Variants in NECTIN3 observed in about 807,000 individuals in gnomAD.
The protein encoded by NECTIN3 is nectin cell adhesion molecule 3.
In NECTIN3, 8 loss-of-function variants were observed where a neutral mutation model predicts 49.4. The observed-to-expected ratio is 0.16, with a 90% confidence interval of 0.10 to 0.29. The LOEUF (loss-of-function observed/expected upper bound fraction) is 0.29, where lower values mean the gene tolerates loss of function less well. Among genes scored for constraint, NECTIN3 ranks in the 10% least tolerant of loss-of-function variants. The pLI is 1.00. For missense variants in NECTIN3, 581 were observed against 654.6 expected (o/e 0.89, Z 1.23); for synonymous variants, 277 against 241.1 (o/e 1.15, Z -1.38).
At chr3:111,084,619 G>A (rs1363228320) in intron 1 of NECTIN3, among the ~76,000 whole-genome samples, 1 of 152,140 alleles carries the variant, frequency 6.6e-6, no homozygotes, top group Admixed American at 6.5e-5. Flanking sequence ...TGTAAGGAAG[G>A]TAGGATTTAA....
chr3:111,105,900 G>C (rs1044212188), intron 1 of NECTIN3, among the ~76,000 whole-genome samples: 1 of 151,108 alleles, frequency 6.6e-6, no homozygotes, highest in Admixed American at 6.6e-5. Flanking sequence ...GTAAGGTGTC[G>C]TCTCTATTCT....
chr3:111,106,000 T>A (rs865903137), intron 1 of NECTIN3, among the ~76,000 whole-genome samples: 1 of 148,602 alleles, frequency 6.7e-6, no homozygotes, highest in Admixed American at 6.7e-5. Flanking sequence ...TTTTTTTTTT[T>A]CCCACTTCTT....
intron 1 of NECTIN3, chr3:111,072,621 C>T (rs1043868185): frequency 8.0e-6 from 12 of 1,507,014 alleles, no homozygotes; most frequent in African/African-American, 4.2e-5. Flanking sequence ...GCCTCCGGGT[C>T]CACTTCTCAT....
chr3:111,182,161 A>G (rs1369841270), intron 7 of NECTIN3, among the ~76,000 whole-genome samples: 3 of 151,982 alleles, frequency 2.0e-5, no homozygotes, highest in Middle Eastern at 3.2e-3. Context: ...TTAATTATTT[A>G]TTTTTCGTTA....
intron 2 of NECTIN3, among the ~76,000 whole-genome samples, chr3:111,118,303 T>G (rs1183567634): frequency 9.2e-6 from 1 of 108,304 alleles, no homozygotes; most frequent in African/African-American, 3.1e-5. Flanking sequence ...ATAAAACTTA[T>G]CTTCCAGAGA....
intron 1 of NECTIN3, among the ~76,000 whole-genome samples, chr3:111,086,762 G>T (rs1432691675): frequency 2.0e-5 from 3 of 151,970 alleles, no homozygotes; most frequent in Non-Finnish European, 2.9e-5. Context: ...TTCATAAAAA[G>T]CCTGCAGGAT....
intron 1 of NECTIN3, among the ~76,000 whole-genome samples, chr3:111,083,858 A>T (rs993488896): frequency 1.5e-4 from 23 of 152,220 alleles, no homozygotes; most frequent in African/African-American, 5.3e-4. Flanking sequence ...GCTGGATGAT[A>T]TAGCCTTGTC....
chr3:111,177,671 T>TA (rs1317244351), intron 7 of NECTIN3, among the ~76,000 whole-genome samples: 2 of 152,108 alleles, frequency 1.3e-5, no homozygotes, highest in East Asian at 3.9e-4. Context: ...AATTTGGAGA[T>TA]AAAATGGTAT....
chr3:111,087,835 T>C (rs571045292), intron 1 of NECTIN3, among the ~76,000 whole-genome samples: 2 of 152,052 alleles, frequency 1.3e-5, no homozygotes, highest in African/African-American at 4.8e-5. Flanking sequence ...GTAGCTGGGA[T>C]TACAGGCGCC....
chr3:111,167,862 T>G (rs952720456), intron 7 of NECTIN3, among the ~76,000 whole-genome samples: 2 of 152,192 alleles, frequency 1.3e-5, no homozygotes, highest in African/African-American at 4.8e-5. Flanking sequence ...CATTATAATC[T>G]TAGGCAACTC....
intron 1 of NECTIN3, among the ~76,000 whole-genome samples, chr3:111,078,696 A>G (rs1356394574): frequency 6.6e-6 from 1 of 152,196 alleles, no homozygotes; most frequent in East Asian, 1.9e-4. Context: ...GTAGACTTAA[A>G]GATATTACTT....
At chr3:111,174,669 A>G (rs925164891) in intron 7 of NECTIN3, among the ~76,000 whole-genome samples, 24 of 145,628 alleles carry the variant, frequency 1.6e-4, no homozygotes, top group African/African-American at 6.2e-4. Context: ...CAGGACATAC[A>G]GCAGGGTTGT....
At chr3:111,109,819 T>C (rs2033379082) in intron 1 of NECTIN3, among the ~76,000 whole-genome samples, 2 of 152,104 alleles carry the variant, frequency 1.3e-5, no homozygotes, top group African/African-American at 4.8e-5. Flanking sequence ...TTTATCAGGG[T>C]TTTCACTATA....
intron 1 of NECTIN3, among the ~76,000 whole-genome samples, chr3:111,082,794 T>G (rs1444240648): frequency 6.6e-6 from 1 of 152,196 alleles, no homozygotes; most frequent in African/African-American, 2.4e-5. Flanking sequence ...AATTATACAA[T>G]TCACCATAAC....
At chr3:111,121,003 T>TG (rs1261874880) in intron 3 of NECTIN3, among the ~76,000 whole-genome samples, 21 of 140,878 alleles carry the variant, frequency 1.5e-4, no homozygotes, top group Non-Finnish European at 2.3e-4. Context: ...ATTTCTTTCT[T>TG]TTTTTTTTTT....
At chr3:111,075,817 C>A (rs927710865) in intron 1 of NECTIN3, among the ~76,000 whole-genome samples, 9 of 152,036 alleles carry the variant, frequency 5.9e-5, no homozygotes, top group African/African-American at 2.2e-4. Flanking sequence ...ATGTCCAGTG[C>A]ATTTTAAGAT....
intron 7 of NECTIN3, among the ~76,000 whole-genome samples, chr3:111,173,316 T>G (rs2035467417): frequency 6.6e-6 from 1 of 152,248 alleles, no homozygotes; most frequent in Non-Finnish European, 1.5e-5. Flanking sequence ...TATCAAGACA[T>G]GAACAGCTTC....
chr3:111,139,923 ATGAT>A (rs1241248842), downstream of NECTIN3, among the ~76,000 whole-genome samples: 1 of 151,914 alleles, frequency 6.6e-6, no homozygotes, highest in African/African-American at 2.4e-5. Flanking sequence ...GGGAAACAAT[ATGAT>A]TGCATTTCAT....
intron 6 of NECTIN3, chr3:111,145,120 AG>A: frequency 7.1e-7 from 1 of 1,401,290 alleles, no homozygotes; most frequent in Non-Finnish European, 9.6e-7. Flanking sequence ...CTCCTCATAA[AG>A]AACTTAAGGG....
Sources: gnomAD v4.1 joint callset for allele counts (sites outside exome capture counted in the v4.1 genomes callset) on GRCh38, gnomAD v4.1.1 for gene constraint, MANE v1.5 for transcripts, NCBI Gene and HGNC (gene_info 2026-07-23, HGNC 2026-07-21) for gene names.